Variants in ENPEP observed in about 807,000 individuals in gnomAD.
ENPEP encodes the protein glutamyl aminopeptidase, also known as AP-A.
ENPEP carries 103 observed loss-of-function variants against 114.5 expected under a neutral mutation model. The observed-to-expected ratio is 0.90, with a 90% CI of 0.77 to 1.06. The LOEUF (loss-of-function observed/expected upper bound fraction) is 1.06, where lower values mean the gene tolerates loss of function less well. Among genes scored for constraint, ENPEP ranks in the 50% least tolerant of loss-of-function variants. The probability of loss-of-function intolerance (pLI) is 0.00; values close to 1 mark genes in which losing one functional copy is unlikely to be tolerated. For missense variants in ENPEP, 1,196 were observed against 1,161.3 expected (o/e 1.03, Z -0.43); for synonymous variants, 420 against 422.0 (o/e 1.00, Z 0.06).
At position 110,476,267 on chromosome 4, in the gene ENPEP, C is replaced by A; in HGVS notation, c.-148C>A. The A allele has an allele frequency of 1.1e-6, 1 of 938,938 alleles. No homozygotes were observed. The highest frequency in any genetic ancestry group is 1.5e-6 in the Non-Finnish European group (1 of 652,688). 58.2% of individuals were successfully genotyped at this position (938,938 alleles called of 1,614,324 possible). A position where few individuals can be genotyped will look rare whatever the true frequency, so the allele number is the denominator to read the frequency against. On this transcript the variant is annotated 5_prime_UTR_variant, in exon 1 of 20. Transcript: ENST00000265162. The stretch of plus-strand genomic sequence containing the variant: ...GAACGTGAAAAGGGAGAGGAAAAGG[C>A]GCAAGAAGCCAGAGAGAGGGGTGTG...
At chr4:110,551,864 G>C (rs1727303291) in intron 17 of ENPEP, among the ~76,000 whole-genome samples, 1 of 152,152 alleles carries the variant, frequency 6.6e-6, no homozygotes, top group African/African-American at 2.4e-5. Context: ...TGTGGTGATG[G>C]AGAAAGAGAC....
At chr4:110,552,966 T>G (rs1171740106) in intron 17 of ENPEP, among the ~76,000 whole-genome samples, 2 of 152,112 alleles carry the variant, frequency 1.3e-5, no homozygotes, top group African/African-American at 2.4e-5. Context: ...AGTACTCTAT[T>G]CAATAAATGC....
Position 110,548,171 on chromosome 4 carries a change from C to G in ENPEP, c.2001-5C>G, listed in dbSNP as rs768923276. On this transcript the variant is annotated splice_polypyrimidine_tract_variant and splice_region_variant and intron_variant, in intron 13 of 19. Transcript: ENST00000265162. The stretch of plus-strand genomic sequence containing the variant: ...TTTTTTTTTTTTTTTTTTTGTCTTT[C>G]TCAGAGCTCAACTTCTAGATTATAA... 2.2e-4 allele frequency: 91 copies of G among 419,966 alleles called. No homozygotes were observed. Among genetic ancestry groups the G allele is most frequent in the East Asian group, 5.1e-4 (8 of 15,724 alleles). 26.0% of individuals were successfully genotyped at this position (419,966 alleles called of 1,614,324 possible).
At position 110,563,502 on chromosome 4, in the gene ENPEP, C is replaced by T. The variant is rs532332444; in HGVS notation, c.*1944C>T. On this transcript the variant is annotated 3_prime_UTR_variant, in exon 20 of 20. Transcript: ENST00000265162. Reference sequence around the variant, plus strand: ...ACCATCAGGTCCTTCTCAAACAACACCTGTTTTTTAAAAGGCTGATGCCTA... The same window carrying T: ...ACCATCAGGTCCTTCTCAAACAACATCTGTTTTTTAAAAGGCTGATGCCTA... 1 of 152,252 alleles carries T rather than the reference C, an allele frequency of 6.6e-6. No homozygotes were observed. The highest frequency in any genetic ancestry group is 1.9e-4 in the East Asian group (1 of 5,192). The allele number at this position is 152,252 out of a possible 1,614,324, so 9.4% of individuals were successfully genotyped here.
At chr4:110,541,503 G>A (rs1726844022) in intron 11 of ENPEP, among the ~76,000 whole-genome samples, 1 of 152,016 alleles carries the variant, frequency 6.6e-6, no homozygotes, top group South Asian at 2.1e-4. Context: ...ATTAGTGTAA[G>A]CCCTCATCCT....
chr4:110,524,027 A>G (rs1726103083), intron 10 of ENPEP, among the ~76,000 whole-genome samples: 1 of 152,202 alleles, frequency 6.6e-6, no homozygotes, highest in Non-Finnish European at 1.5e-5. Flanking sequence ...GTATGAGTAT[A>G]TTATTTAGAG....
At chr4:110,506,462 A>G (rs1725372124) in intron 3 of ENPEP, among the ~76,000 whole-genome samples, 175 bp from the exon 4 acceptor site, 1 of 152,220 alleles carries the variant, frequency 6.6e-6, no homozygotes, top group Non-Finnish European at 1.5e-5. Context: ...CCAGAGTCTC[A>G]GAGATGTGAA....
At chr4:110,519,242 C>T (rs1725893433) in intron 8 of ENPEP, 1 of 351,906 alleles carries the variant, frequency 2.8e-6, no homozygotes, top group East Asian at 7.4e-5. Context: ...GATTTAGGTA[C>T]AGCACCTACT....
intron 11 of ENPEP, among the ~76,000 whole-genome samples, chr4:110,538,243 C>T (rs1309000714): frequency 6.6e-6 from 1 of 152,238 alleles, no homozygotes; most frequent in African/African-American, 2.4e-5. Context: ...TTCATCTACA[C>T]TGAAAATGTT....
rs1578400052 is a variant in ENPEP at position 110,507,987 on chromosome 4, A to G, written c.1039+1230A>G. 2.6e-5 allele frequency among the ~76,000 whole-genome samples: 4 copies of G among 152,144 alleles called. No individual in the cohort carries two copies. The East Asian group carries it at 5.8e-4, about 22-fold the overall frequency. On this transcript the variant is annotated intron_variant, in intron 4 of 19. Coordinates refer to ENST00000265162, the MANE Select transcript of ENPEP (RefSeq NM_001977.4). The stretch of plus-strand genomic sequence containing the variant: ...ATCTCAATTTAAAAATATCAGAATA[A>G]TATTTAATAAAATATTGTACACATG...
At chr4:110,528,991 A>G (rs1159974137) in intron 10 of ENPEP, among the ~76,000 whole-genome samples, 2 of 152,316 alleles carry the variant, frequency 1.3e-5, no homozygotes, top group Admixed American at 1.3e-4. Context: ...AGATCATGTG[A>G]TTCTAAAACT....
chr4:110,490,626 T>A (rs559163552), intron 2 of ENPEP, among the ~76,000 whole-genome samples: 39 of 152,286 alleles, frequency 2.6e-4, no homozygotes, highest in African/African-American at 8.9e-4. Context: ...AAGCCAATGT[T>A]CCGCTACACC....
chr4:110,525,916 T>C (rs1726178755), intron 10 of ENPEP, among the ~76,000 whole-genome samples: 1 of 152,088 alleles, frequency 6.6e-6, no homozygotes, highest in Non-Finnish European at 1.5e-5. Context: ...AAGGCTTTCT[T>C]TTCCAGGGAT....
At chr4:110,482,839 C>T (rs535002370) in intron 1 of ENPEP, among the ~76,000 whole-genome samples, 1 of 151,854 alleles carries the variant, frequency 6.6e-6, no homozygotes, top group Non-Finnish European at 1.5e-5. Context: ...TGAAACCCCG[C>T]CTCTACTAAA....
chr4:110,545,143 G>A (rs780053909), intron 13 of ENPEP, among the ~76,000 whole-genome samples: 10 of 152,020 alleles, frequency 6.6e-5, no homozygotes, highest in Non-Finnish European at 1.0e-4. Context: ...TAGTTAAATA[G>A]GTGAGCAACT....
At chr4:110,543,888 A>G (rs1726947069) in intron 13 of ENPEP, among the ~76,000 whole-genome samples, 1 of 151,840 alleles carries the variant, frequency 6.6e-6, no homozygotes, top group Non-Finnish European at 1.5e-5. Context: ...ATAATATTTT[A>G]TTGTTATTGT....
chr4:110,540,895 T>C (rs763611664), intron 11 of ENPEP, among the ~76,000 whole-genome samples: 6 of 152,258 alleles, frequency 3.9e-5, no homozygotes, highest in Non-Finnish European at 8.8e-5. Context: ...TGTCCCTGTC[T>C]TCCTTGGGGT....
chr4:110,539,048 C>A (rs1463955487), intron 11 of ENPEP, among the ~76,000 whole-genome samples: 5 of 152,090 alleles, frequency 3.3e-5, no homozygotes, highest in Non-Finnish European at 7.4e-5. Context: ...TCACAGATCA[C>A]CCTAACAGAT....
chr4:110,554,754 CA>C lies in ENPEP; in HGVS notation c.2642+1300del, dbSNP rs1727413675. 1.3e-5 allele frequency among the ~76,000 whole-genome samples: 2 copies of C among 151,856 alleles called. 1 individual carries two copies. Among genetic ancestry groups the C allele is most frequent in the South Asian group, 4.2e-4 (2 of 4,816 alleles). On this transcript the variant is annotated intron_variant, in intron 18 of 19. Coordinates refer to ENST00000265162, the MANE Select transcript of ENPEP (RefSeq NM_001977.4). ...CATATTTTGTTTTAGTTGAAAAGACCATACAACTATCTCTTTTTCTGTGGTG... is the reference window on the plus strand; with the variant it reads ...CATATTTTGTTTTAGTTGAAAAGACCTACAACTATCTCTTTTTCTGTGGTG...
Sources: allele counts gnomAD v4.1 joint callset (sites outside exome capture counted in the v4.1 genomes callset), GRCh38; gene constraint gnomAD v4.1.1; transcripts MANE v1.5; gene names NCBI Gene and HGNC (gene_info 2026-07-23, HGNC 2026-07-21).